The following NPHP4 variants were observed in gnomAD, a reference collection of about 807,000 sequenced individuals.
The protein encoded by NPHP4 is nephrocystin 4, also known as nephrocystin-4.
In NPHP4, 151 loss-of-function variants were observed where a neutral mutation model predicts 155.8. The ratio of observed to expected loss-of-function variants is 0.97; its 90% CI spans 0.85 to 1.11. The LOEUF is 1.11. Ranked by LOEUF, NPHP4 falls within the 50% of genes least tolerant of loss-of-function variation. The pLI is 0.00. For synonymous variants in NPHP4, 845 were observed against 816.8 expected (o/e 1.03, Z -0.59); for missense variants, 1,956 against 1,925.7 (o/e 1.02, Z -0.29).
At chr1:5,943,470 T>C (rs571447250) in intron 9 of NPHP4, among the ~76,000 whole-genome samples, 1 of 152,324 alleles carries the variant, frequency 6.6e-6, no homozygotes, top group Non-Finnish European at 1.5e-5. Context: ...CCATAGCTTT[T>C]GCCTCCTGAT....
chr1:5,939,921 G>C (rs529060669), intron 9 of NPHP4, among the ~76,000 whole-genome samples: 3 of 152,134 alleles, frequency 2.0e-5, no homozygotes, highest in Non-Finnish European at 2.9e-5. Flanking sequence ...CAGGACCCCA[G>C]GGCACAGAAG....
At chr1:5,961,759 C>T in intron 6 of NPHP4, 35 bp downstream of exon 6, 1 of 1,593,892 alleles carries the variant, frequency 6.3e-7, no homozygotes, top group South Asian at 1.1e-5. Context: ...GACAGACTCA[C>T]CTCACCAAGT....
At chr1:5,953,866 G>A (rs1015733935) in intron 6 of NPHP4, among the ~76,000 whole-genome samples, 3 of 152,090 alleles carry the variant, frequency 2.0e-5, no homozygotes, top group Admixed American at 6.5e-5. Flanking sequence ...CTCCACCATC[G>A]TCATCTTCTT....
chr1:5,962,451 C>T (rs566726664), intron 5 of NPHP4, among the ~76,000 whole-genome samples: 7 of 152,342 alleles, frequency 4.6e-5, no homozygotes, highest in South Asian at 4.1e-4. Flanking sequence ...CCAGGTCTCG[C>T]TGGTCCCTGC....
At position 5,904,712 on chromosome 1, in the gene NPHP4, A is replaced by G; in HGVS notation, c.2048T>C (p.Leu683Pro). 6.2e-7 allele frequency: 1 copy of G among 1,614,062 alleles called. No individual in the cohort carries two copies. Among genetic ancestry groups the G allele is most frequent in the Non-Finnish European group, 8.5e-7 (1 of 1,179,898 alleles). ...YRFPPATTPR[L>P]QLVQLDEAGQ... Reference sequence around the variant, plus strand: ...GGCCTCATCCAGCTGGACCAGCTGCAGTCGTGGCGTCGTTGCGGGTGGGAA... The same window carrying G: ...GGCCTCATCCAGCTGGACCAGCTGCGGTCGTGGCGTCGTTGCGGGTGGGAA... Residue 683 changes from leucine to proline, a missense_variant, in exon 16 of 30, where the codon CTG becomes CCG. Transcript: ENST00000378156.
chr1:5,891,076 T>A, intron 16 of NPHP4, 48 bp from the exon 17 acceptor site: 1 of 1,374,992 alleles, frequency 7.3e-7, no homozygotes, highest in Non-Finnish European at 9.7e-7. Flanking sequence ...GAGTCATTCA[T>A]CATCTTTACA....
intron 10 of NPHP4, among the ~76,000 whole-genome samples, chr1:5,928,713 C>A (rs1646135225): frequency 6.6e-6 from 1 of 152,112 alleles, no homozygotes; most frequent in Admixed American, 6.5e-5. Context: ...TAGTATGATT[C>A]CTCCAACTTT....
chr1:5,935,323 G>A (rs909685824), intron 9 of NPHP4, among the ~76,000 whole-genome samples: 4 of 152,062 alleles, frequency 2.6e-5, no homozygotes, highest in Admixed American at 6.6e-5. Context: ...CCACATTCAC[G>A]CCCCCGTCAC....
At chr1:5,864,807 C>T (rs892964806) in intron 27 of NPHP4, 1 of 535,782 alleles carries the variant, frequency 1.9e-6, no homozygotes, top group Non-Finnish European at 3.3e-6. Flanking sequence ...CACCAGGGGC[C>T]GCCCTCCCAC....
At chr1:5,908,974 C>T (rs576474239) in intron 12 of NPHP4, among the ~76,000 whole-genome samples, 178 bp downstream of exon 12, 2 of 152,336 alleles carry the variant, frequency 1.3e-5, no homozygotes, top group Admixed American at 6.5e-5. Context: ...GGAGTCAGAA[C>T]ATCAGGGACA....
chr1:5,875,703 A>G lies in NPHP4; in HGVS notation c.2818-603T>C, dbSNP rs1642523363. On this transcript the variant is annotated intron_variant, in intron 20 of 29. Coordinates refer to ENST00000378156, the MANE Select transcript of NPHP4 (RefSeq NM_015102.5). ...GGCCTGTTTTTCCTGTGGGACTTAC[A>G]AGAAAAAGTAAGGCCCACTAGAGGC... 2.0e-5 allele frequency among the ~76,000 whole-genome samples: 3 copies of G among 152,322 alleles called. No homozygotes were observed. The South Asian group carries it at 6.2e-4, about 32-fold the overall frequency.
At chr1:5,888,618 G>A in intron 17 of NPHP4, 1 of 1,346,050 alleles carries the variant, frequency 7.4e-7, no homozygotes, top group Non-Finnish European at 9.8e-7. Context: ...CTCCTTTAGG[G>A]AACAGCCAAC....
At chr1:5,985,167 C>G (rs1007310568) in intron 2 of NPHP4, among the ~76,000 whole-genome samples, 1 of 152,170 alleles carries the variant, frequency 6.6e-6, no homozygotes, top group African/African-American at 2.4e-5. Context: ...AGTCACAGAC[C>G]CGGGGCTCCA....
rs377160096 is a variant in NPHP4, at chr1:5,905,373, G to A, written c.1874C>T (p.Pro625Leu). 54 of 1,613,722 alleles carry A rather than the reference G, an allele frequency of 3.3e-5. No homozygotes were observed. The highest frequency in any genetic ancestry group is 3.3e-4 in the Middle Eastern group (2 of 6,084). ...TTCCTTCTGAGGGTTAAACGTCACA[G>A]GTTCTGTAGCGCTGACAGCCTCGGC... is the stretch of plus-strand genomic sequence containing the variant. ...QPAEAVSATE[P>L]VTFNPQKEES... Residue 625 changes from proline to leucine, a missense_variant, in exon 15 of 30, where the codon CCT becomes CTT. Physicochemically the swap from Pro to Leu is moderately conservative, Grantham distance 98. Transcript: ENST00000378156. The surrounding 1 kb of genome is among the most constrained non-coding windows in gnomAD (Gnocchi z 4.0).
chr1:5,963,828 C>T (rs1557847567), intron 5 of NPHP4, among the ~76,000 whole-genome samples: 1 of 151,982 alleles, frequency 6.6e-6, no homozygotes, highest in Non-Finnish European at 1.5e-5. Context: ...GCTAGGATTA[C>T]AGGCACCTGC....
At chr1:5,883,194 G>A (rs1643462366) in intron 18 of NPHP4, among the ~76,000 whole-genome samples, 1 of 152,140 alleles carries the variant, frequency 6.6e-6, no homozygotes, top group Admixed American at 6.5e-5. Context: ...AGGAAGGGAC[G>A]GCAGCCTGAA....
chr1:5,931,308 T>C (rs1380339532), intron 10 of NPHP4, among the ~76,000 whole-genome samples: 1 of 150,158 alleles, frequency 6.7e-6, no homozygotes, highest in Non-Finnish European at 1.5e-5. Context: ...ACCACTACAA[T>C]AAAGCAAGTC....
intron 12 of NPHP4, among the ~76,000 whole-genome samples, chr1:5,908,840 A>C (rs1485658786): frequency 6.6e-6 from 1 of 152,206 alleles, no homozygotes; most frequent in East Asian, 1.9e-4. Context: ...GTCTCTCAGA[A>C]AAAGCAAAGG....
chr1:5,917,640 T>C lies in NPHP4; in HGVS notation c.1442-8427A>G, dbSNP rs578160933. On this transcript the variant is annotated intron_variant, in intron 11 of 29. Coordinates refer to ENST00000378156, the MANE Select transcript of NPHP4 (RefSeq NM_015102.5). ...ACTCTACAAATATGTACTGAATGTTTTACTGTGGGCCAGGACTCATCAGGC... is the reference window on the plus strand; with the variant it reads ...ACTCTACAAATATGTACTGAATGTTCTACTGTGGGCCAGGACTCATCAGGC... 2.0e-5 allele frequency among the ~76,000 whole-genome samples: 3 copies of C among 152,364 alleles called. No individual in the cohort carries two copies. The South Asian group carries it at 6.2e-4, about 32-fold the overall frequency.
Sources: gnomAD v4.1 joint callset for allele counts (sites outside exome capture counted in the v4.1 genomes callset) on GRCh38, gnomAD v4.1.1 for gene constraint, Gnocchi (gnomAD v3.1) non-coding constraint, MANE v1.5 for transcripts, NCBI Gene and HGNC (gene_info 2026-07-23, HGNC 2026-07-21) for gene names.